Variants in TIAM1 observed in about 807,000 individuals in gnomAD.
TIAM1 encodes the protein TIAM Rac1 associated GEF 1.
Under a neutral mutation model 163.5 loss-of-function variants are expected in TIAM1, and 65 were observed. The ratio of observed to expected loss-of-function variants is 0.40; its 90% CI spans 0.33 to 0.49. The LOEUF (loss-of-function observed/expected upper bound fraction) is 0.49, where lower values mean the gene tolerates loss of function less well. TIAM1 is among the 20% of genes least tolerant of loss of function. TIAM1 has a pLI of 0.77. For synonymous variants in TIAM1, 833 were observed against 810.1 expected (o/e 1.03, Z -0.48); for missense variants, 1,789 against 2,044.7 (o/e 0.87, Z 2.41).
intron 2 of TIAM1, among the ~76,000 whole-genome samples, chr21:31,441,987 T>C (rs1434353727): frequency 7.3e-6 from 1 of 136,472 alleles, no homozygotes; most frequent in Non-Finnish European, 1.6e-5. Flanking sequence ...GCTCAAGAGG[T>C]GGGAATTATA....
intron 2 of TIAM1, among the ~76,000 whole-genome samples, chr21:31,290,237 A>G (rs969492711): frequency 1.3e-5 from 2 of 152,162 alleles, no homozygotes; most frequent in African/African-American, 4.8e-5. Flanking sequence ...CATCTTGCAC[A>G]TTCATCTGAT....
intron 22 of TIAM1, among the ~76,000 whole-genome samples, chr21:31,139,097 T>C (rs2045793168): frequency 6.6e-6 from 1 of 152,220 alleles, no homozygotes; most frequent in Non-Finnish European, 1.5e-5. Context: ...AGAATTTCAT[T>C]TTAAAGGACT....
intron 1 of TIAM1, among the ~76,000 whole-genome samples, chr21:31,557,862 G>A (rs1390125775): frequency 1.3e-5 from 2 of 152,222 alleles, no homozygotes; most frequent in East Asian, 1.9e-4. Flanking sequence ...TGGCCGAGTC[G>A]GCGCCCCGAG....
intron 2 of TIAM1, among the ~76,000 whole-genome samples, chr21:31,318,948 C>T (rs1183212040): frequency 2.6e-5 from 4 of 152,246 alleles, no homozygotes; most frequent in East Asian, 1.9e-4. Context: ...ACTGCAACCT[C>T]GAACTCCTAC....
chr21:31,493,597 G>T (rs1324576805), intron 1 of TIAM1, among the ~76,000 whole-genome samples: 1 of 152,210 alleles, frequency 6.6e-6, no homozygotes, highest in African/African-American at 2.4e-5. Context: ...CAAGTCATGG[G>T]TTTAGAAGAA....
In TIAM1 at chr21:31,130,185, G is replaced by A. The variant is rs539442729; in HGVS notation, c.4045+28C>T. 5 of 1,583,804 alleles carry A rather than the reference G, an allele frequency of 3.2e-6. No individual in the cohort carries two copies. In the East Asian group the frequency reaches 1.1e-4, roughly 36 times the overall value. On this transcript the variant is annotated intron_variant, in intron 25 of 27. Coordinates refer to ENST00000541036, the MANE Select transcript of TIAM1 (RefSeq NM_001353694.2). ...CTACACACATCAGAAATATGTGTGTGAAATACCCAGCACAGGTGAGAGTTT... is the reference window on the plus strand; with the variant it reads ...CTACACACATCAGAAATATGTGTGTAAAATACCCAGCACAGGTGAGAGTTT...
chr21:31,515,007 G>A (rs1175946012), intron 1 of TIAM1, among the ~76,000 whole-genome samples: 1 of 152,218 alleles, frequency 6.6e-6, no homozygotes, highest in African/African-American at 2.4e-5. Flanking sequence ...GCCAGACCCA[G>A]AAGTAGGCAG....
chr21:31,316,871 C>T (rs2075140330), intron 2 of TIAM1, among the ~76,000 whole-genome samples: 1 of 152,186 alleles, frequency 6.6e-6, no homozygotes, highest in African/African-American at 2.4e-5. Context: ...CTGGAAAGAT[C>T]CTGCCCCCCA....
At chr21:31,545,886 T>C (rs2048469638) in intron 1 of TIAM1, among the ~76,000 whole-genome samples, 1 of 152,144 alleles carries the variant, frequency 6.6e-6, no homozygotes, top group Non-Finnish European at 1.5e-5. Flanking sequence ...AAATATGACT[T>C]TGGGGGGCTT....
rs368238078 is a variant in TIAM1 at position 31,271,554 on chromosome 21, C to T, written c.-11-4571G>A. On this transcript the variant is annotated intron_variant, in intron 3 of 27. Transcript: ENST00000541036. The stretch of plus-strand genomic sequence containing the variant: ...GTTCAGCTTGTGCTCCAGTGTGTTC[C>T]CCTCCCCACCCCCAATTCTTCCTGG... Among the ~76,000 whole-genome samples the T allele has an allele frequency of 1.1e-4, 17 of 152,222 alleles. No individual in the cohort carries two copies. The East Asian group carries it at 3.1e-3, about 28-fold the overall frequency.
At chr21:31,461,267 G>A (rs1156872642) in intron 2 of TIAM1, among the ~76,000 whole-genome samples, 2 of 152,024 alleles carry the variant, frequency 1.3e-5, no homozygotes, top group Non-Finnish European at 2.9e-5. Context: ...GCAGATCACT[G>A]GAGGTCAGGA....
chr21:31,509,466 G>A (rs1433171340), intron 1 of TIAM1, among the ~76,000 whole-genome samples: 2 of 152,146 alleles, frequency 1.3e-5, no homozygotes, highest in Non-Finnish European at 2.9e-5. Flanking sequence ...CCGCTCCTCG[G>A]GCACCCAACT....
chr21:31,245,372 TAAAAAAAAAAAAA>T (rs35494700), intron 6 of TIAM1, 103 bp downstream of exon 6: 8 of 209,926 alleles, frequency 3.8e-5, no homozygotes, highest in Admixed American at 2.1e-4. Context: ...ATCTCACCAC[TAAAAAAAAAAAAA>T]AAAAAAAAAA....
At chr21:31,535,735 C>CA (rs759429768) in intron 1 of TIAM1, among the ~76,000 whole-genome samples, 54 of 126,188 alleles carry the variant, frequency 4.3e-4, no homozygotes, top group Non-Finnish European at 9.0e-4. Flanking sequence ...CCCATGGGAA[C>CA]AAAAAAGCCC....
chr21:31,521,492 T>A (rs1339438847), intron 1 of TIAM1, among the ~76,000 whole-genome samples: 1 of 152,054 alleles, frequency 6.6e-6, no homozygotes, highest in African/African-American at 2.4e-5. Context: ...TCCCAGTGAT[T>A]TGGTAGGTGG....
chr21:31,129,990 T>C (rs2082345906), intron 25 of TIAM1, among the ~76,000 whole-genome samples: 1 of 151,892 alleles, frequency 6.6e-6, no homozygotes, highest in African/African-American at 2.4e-5. Flanking sequence ...ATTCACTCAG[T>C]TCATTCATTC....
At chr21:31,190,232 C>T (rs2085488907) in intron 13 of TIAM1, among the ~76,000 whole-genome samples, 1 of 152,010 alleles carries the variant, frequency 6.6e-6, no homozygotes, top group Non-Finnish European at 1.5e-5. Context: ...ACAGTGAGAC[C>T]CTGTCTCTAC....
chr21:31,266,837 T>C lies in TIAM1; in HGVS notation c.136A>G (p.Lys46Glu), dbSNP rs752989896. 1.2e-6 allele frequency: 2 copies of C among 1,614,144 alleles called. No individual in the cohort carries two copies. The highest frequency in any genetic ancestry group is 1.7e-6 in the Non-Finnish European group (2 of 1,180,020). The stretch of plus-strand genomic sequence containing the variant: ...ACTTCGGAGTTCCTGTGGATCACCT[T>C]CCCCGAGGAAGCGTGCCTGGTCCTC... ...TRRTRHASSG[K>E]VIHRNSEVST... The change falls in exon 4 of 28, where the codon AAG becomes GAG. Residue 46 changes from lysine to glutamate, a missense_variant. Physicochemically the swap from Lys to Glu is moderately conservative, Grantham distance 56. Coordinates refer to ENST00000541036, the MANE Select transcript of TIAM1 (RefSeq NM_001353694.2).
chr21:31,215,300 A>G (rs1182867544), intron 9 of TIAM1, among the ~76,000 whole-genome samples: 1 of 152,078 alleles, frequency 6.6e-6, no homozygotes, highest in Non-Finnish European at 1.5e-5. Flanking sequence ...CAAAAGAAGA[A>G]GAGAAATGGG....
Sources: allele counts gnomAD v4.1 joint callset (sites outside exome capture counted in the v4.1 genomes callset), GRCh38; gene constraint gnomAD v4.1.1; transcripts MANE v1.5; gene names NCBI Gene and HGNC (gene_info 2026-07-23, HGNC 2026-07-21).